The following PCSK2 variants were observed in gnomAD, a reference collection of about 807,000 sequenced individuals.
The protein encoded by PCSK2 is neuroendocrine convertase 2.
A neutral mutation model predicts 69.7 loss-of-function variants in PCSK2; 14 were observed. The ratio of observed to expected loss-of-function variants is 0.20; its 90% CI spans 0.13 to 0.31. The LOEUF (loss-of-function observed/expected upper bound fraction) is 0.31, where lower values mean the gene tolerates loss of function less well. Ranked by LOEUF, PCSK2 falls within the 10% of genes least tolerant of loss-of-function variation. The pLI is 1.00. For synonymous variants in PCSK2, 307 were observed against 320.7 expected (o/e 0.96, Z 0.46); for missense variants, 544 against 842.5 (o/e 0.65, Z 4.39).
At chr20:17,296,112 C>T (rs772181003) in intron 2 of PCSK2, among the ~76,000 whole-genome samples, 29 of 152,152 alleles carry the variant, frequency 1.9e-4, no homozygotes, top group Non-Finnish European at 2.8e-4. Flanking sequence ...GCTCCAGCCT[C>T]TGATGGCCAA....
At chr20:17,389,390 T>C (rs2031314884) in intron 5 of PCSK2, among the ~76,000 whole-genome samples, 1 of 152,120 alleles carries the variant, frequency 6.6e-6, no homozygotes, top group Non-Finnish European at 1.5e-5. Flanking sequence ...GCATATATGA[T>C]ATAGAGTATA....
intron 2 of PCSK2, among the ~76,000 whole-genome samples, chr20:17,264,309 C>G (rs1987508156): frequency 6.6e-6 from 1 of 152,166 alleles, no homozygotes; most frequent in Non-Finnish European, 1.5e-5. Flanking sequence ...ATTTCCTTTA[C>G]TAAGCAATTT....
rs533272504 is a variant in PCSK2 at position 17,400,060 on chromosome 20, T to TA, written c.544-9196dup. On this transcript the variant is annotated intron_variant, in intron 5 of 11. Coordinates refer to ENST00000262545, the MANE Select transcript of PCSK2 (RefSeq NM_002594.5). ...AATTTACTAAATAAAACCATGTTAT[T>TA]AAAAAAATGAATGGACCATACAAAA... is the stretch of plus-strand genomic sequence containing the variant. Among the ~76,000 whole-genome samples the TA allele has an allele frequency of 1.8e-4, 27 of 152,170 alleles. No individual in the cohort carries two copies. The East Asian group carries it at 5.0e-3, about 28-fold the overall frequency.
intron 2 of PCSK2, among the ~76,000 whole-genome samples, chr20:17,354,964 C>G (rs16998995): frequency 0.013 from 1,913 of 152,134 alleles, 14 homozygotes; most frequent in East Asian, 0.034. Flanking sequence ...TAAAGGTGTT[C>G]GTCTCTTTCA....
intron 1 of PCSK2, among the ~76,000 whole-genome samples, chr20:17,240,411 T>C (rs1986522663): frequency 6.6e-6 from 1 of 152,120 alleles, no homozygotes; most frequent in African/African-American, 2.4e-5. Context: ...TGGTTGATGG[T>C]TGCTCCTGGG....
intron 11 of PCSK2, among the ~76,000 whole-genome samples, chr20:17,468,458 G>A (rs113767242): frequency 0.014 from 1,589 of 116,360 alleles, 45 homozygotes; most frequent in African/African-American, 0.049. Flanking sequence ...ACGGGCCAGC[G>A]TCCTGCTGTA....
intron 2 of PCSK2, among the ~76,000 whole-genome samples, chr20:17,286,429 T>G (rs1233863594): frequency 6.6e-6 from 1 of 152,254 alleles, no homozygotes; most frequent in Non-Finnish European, 1.5e-5. Context: ...CTGTATGACT[T>G]GGAAGAGCAA....
intron 1 of PCSK2, among the ~76,000 whole-genome samples, chr20:17,240,036 T>G (rs957419023): frequency 1.3e-5 from 2 of 151,818 alleles, no homozygotes; most frequent in African/African-American, 2.4e-5. Context: ...GTATTTTTAG[T>G]AGAGACGGGG....
At chr20:17,325,757 C>T (rs1224304305) in intron 2 of PCSK2, among the ~76,000 whole-genome samples, 2 of 152,198 alleles carry the variant, frequency 1.3e-5, no homozygotes. Flanking sequence ...CAGGCATGTT[C>T]TTCTCAAGCC....
At chr20:17,283,817 G>A (rs1683826634) in intron 2 of PCSK2, among the ~76,000 whole-genome samples, 1 of 152,150 alleles carries the variant, frequency 6.6e-6, no homozygotes, top group Non-Finnish European at 1.5e-5. Flanking sequence ...CCTAAATCCA[G>A]CTAGCATGTT....
At chr20:17,455,110 G>A (rs187198720) in intron 9 of PCSK2, among the ~76,000 whole-genome samples, 14 of 152,130 alleles carry the variant, frequency 9.2e-5, no homozygotes, top group Non-Finnish European at 5.9e-5. Flanking sequence ...TCACTCTCAC[G>A]CCTGAAAGCT....
At chr20:17,330,580 G>A (rs1470223994) in intron 2 of PCSK2, among the ~76,000 whole-genome samples, 1 of 152,042 alleles carries the variant, frequency 6.6e-6, no homozygotes, top group African/African-American at 2.4e-5. Context: ...TCGCACCACT[G>A]CACTCCAGCC....
At chr20:17,283,869 C>A (rs572021669) in intron 2 of PCSK2, among the ~76,000 whole-genome samples, 2 of 152,136 alleles carry the variant, frequency 1.3e-5, no homozygotes, top group Non-Finnish European at 2.9e-5. Context: ...TACTTATCCA[C>A]TTCTCCTCTA....
chr20:17,395,661 C>T (rs533393098), intron 5 of PCSK2, among the ~76,000 whole-genome samples: 83 of 152,264 alleles, frequency 5.5e-4, no homozygotes, highest in Middle Eastern at 3.4e-3. Flanking sequence ...CTGAATTACA[C>T]ATATTTGTAA....
chr20:17,236,029 G>T (rs908626983), intron 1 of PCSK2, among the ~76,000 whole-genome samples: 5 of 151,902 alleles, frequency 3.3e-5, no homozygotes, highest in Non-Finnish European at 5.9e-5. Context: ...ATACAAGAAG[G>T]TCTTTTTTAA....
At chr20:17,360,305 A>C (rs1314913612) in intron 3 of PCSK2, among the ~76,000 whole-genome samples, 2 of 149,184 alleles carry the variant, frequency 1.3e-5, no homozygotes, top group African/African-American at 5.0e-5. Flanking sequence ...TTGCATATTT[A>C]CAGAAAACAG....
chr20:17,460,049 G>A (rs913507571), intron 10 of PCSK2, among the ~76,000 whole-genome samples: 3 of 152,172 alleles, frequency 2.0e-5, no homozygotes, highest in African/African-American at 7.2e-5. Flanking sequence ...ACCCAGGGCT[G>A]GTTTAGGGTA....
chr20:17,429,641 C>A, intron 7 of PCSK2, 118 bp downstream of exon 7: 3 of 653,536 alleles, frequency 4.6e-6, no homozygotes, highest in South Asian at 2.7e-5. Flanking sequence ...AGATTTGGCA[C>A]AAGTGAAAAA....
At chr20:17,315,769 C>G (rs960039253) in intron 2 of PCSK2, among the ~76,000 whole-genome samples, 1 of 152,170 alleles carries the variant, frequency 6.6e-6, no homozygotes, top group Non-Finnish European at 1.5e-5. Context: ...TGTGAATCGC[C>G]GACACGGTCT....
Sources: gnomAD v4.1 joint callset for allele counts (sites outside exome capture counted in the v4.1 genomes callset) on GRCh38, gnomAD v4.1.1 for gene constraint, MANE v1.5 for transcripts, NCBI Gene and HGNC (gene_info 2026-07-23, HGNC 2026-07-21) for gene names.